The following LINS1 variants were observed in gnomAD, a reference collection of about 807,000 sequenced individuals.
The protein encoded by LINS1 is protein Lines homolog 1.
Under a neutral mutation model 41.6 loss-of-function variants are expected in LINS1, and 27 were observed. The observed-to-expected ratio is 0.65, with a 90% CI of 0.48 to 0.89. The LOEUF is 0.89. LINS1 is among the 40% of genes least tolerant of loss of function. The pLI is 0.00. For missense variants in LINS1, 955 were observed against 884.1 expected (o/e 1.08, Z -1.02); for synonymous variants, 336 against 312.9 (o/e 1.07, Z -0.78).
rs746299653 is a variant in LINS1 at position 100,569,362 on chromosome 15, T to C, written c.2150A>G (p.Gln717Arg). 8 of 1,614,084 alleles carry C rather than the reference T, an allele frequency of 5.0e-6. No individual in the cohort carries two copies. Among genetic ancestry groups the C allele is most frequent in the African/African-American group, 1.3e-5 (1 of 74,928 alleles). The part of the protein sequence containing the change: ...GIFYRIVKCF[Q>R]ELQDAICRLQ... ...ACGGCAGATGGCATCTTGTAGTTCC[T>C]GGAAGCATTTTACTATTCTGTAAAA... Residue 717 changes from glutamine to arginine, a missense_variant, in exon 7 of 7, where the codon CAG (glutamine) becomes CGG (arginine). Coordinates refer to ENST00000314742, the MANE Select transcript of LINS1 (RefSeq NM_001040616.3).
intron 1 of LINS1, among the ~76,000 whole-genome samples, chr15:100,594,459 T>C (rs1401302122): frequency 2.0e-5 from 3 of 152,148 alleles, no homozygotes; most frequent in Non-Finnish European, 4.4e-5. Context: ...TGTGAGTTTC[T>C]GAACAAAACA....
intron 1 of LINS1, among the ~76,000 whole-genome samples, chr15:100,592,859 G>A (rs958219583): frequency 3.3e-5 from 5 of 152,184 alleles, no homozygotes; most frequent in African/African-American, 1.2e-4. Context: ...GTTTTATTGT[G>A]ATCAAGTATA....
chr15:100,572,372 GATAA>G (rs2037879239), intron 5 of LINS1: 2 of 1,180,752 alleles, frequency 1.7e-6, no homozygotes, highest in South Asian at 1.8e-5. Flanking sequence ...GCTAAAAGCA[GATAA>G]ATAAATGAGC....
At chr15:100,572,769 T>C (rs2037903727) in intron 5 of LINS1, 4 of 980,272 alleles carry the variant, frequency 4.1e-6, no homozygotes, top group South Asian at 4.7e-5. Flanking sequence ...ATGGAAGACT[T>C]TGAACTCCTG....
At chr15:100,579,189 A>AT (rs1472960742) in intron 3 of LINS1, among the ~76,000 whole-genome samples, 1 of 145,774 alleles carries the variant, frequency 6.9e-6, no homozygotes, top group Non-Finnish European at 1.5e-5. Context: ...ATATATATAT[A>AT]AAAAAATAAA....
chr15:100,575,369 C>T (rs1364181145), intron 3 of LINS1, among the ~76,000 whole-genome samples: 2 of 152,052 alleles, frequency 1.3e-5, no homozygotes, highest in Admixed American at 6.6e-5. Context: ...GCAGGGGTTG[C>T]AATCCTAGTC....
At chr15:100,590,944 C>T (rs1008768623) in intron 1 of LINS1, among the ~76,000 whole-genome samples, 9 of 152,050 alleles carry the variant, frequency 5.9e-5, no homozygotes, top group Admixed American at 3.3e-4. Context: ...TTTGGGAGGC[C>T]GAGGCGGGCA....
chr15:100,579,771 G>A (rs1444012469), intron 3 of LINS1, among the ~76,000 whole-genome samples: 2 of 152,098 alleles, frequency 1.3e-5, no homozygotes. Flanking sequence ...TTAAACCTGT[G>A]AAAATAGGCT....
chr15:100,580,859 T>C lies in LINS1; in HGVS notation c.-17A>G. On this transcript the variant is annotated 5_prime_UTR_variant, in exon 2 of 7. In the 5' UTR this introduces an upstream ATG that the reference lacks. Coordinates refer to ENST00000314742, the MANE Select transcript of LINS1 (RefSeq NM_001040616.3). ...AACTTTCATTTTGACTTCCAAAATG[T>C]ATCTTATAAGAAGGTCGACAACTCC... 1 of 1,605,686 alleles carries C rather than the reference T, an allele frequency of 6.2e-7. No individual in the cohort carries two copies. Among genetic ancestry groups the C allele is most frequent in the South Asian group, 1.1e-5 (1 of 90,188 alleles).
intron 1 of LINS1, among the ~76,000 whole-genome samples, chr15:100,597,357 A>C (rs1397986057): frequency 6.6e-6 from 1 of 152,064 alleles, no homozygotes; most frequent in Non-Finnish European, 1.5e-5. Context: ...GAGATAATTT[A>C]GAGATAATTC....
At chr15:100,579,393 T>C (rs2038392119) in intron 3 of LINS1, among the ~76,000 whole-genome samples, 1 of 51,780 alleles carries the variant, frequency 1.9e-5, no homozygotes, top group African/African-American at 5.1e-5. Flanking sequence ...TCTTTATACC[T>C]TTAACTTATT....
At chr15:100,583,517 A>G (rs2038665304) in intron 1 of LINS1, among the ~76,000 whole-genome samples, 1 of 152,240 alleles carries the variant, frequency 6.6e-6, no homozygotes, top group African/African-American at 2.4e-5. Context: ...ATTAATACAA[A>G]TGTTGGTAAT....
At chr15:100,580,107 C>A (rs1387151370) in intron 3 of LINS1, among the ~76,000 whole-genome samples, 156 bp downstream of exon 3, 2 of 152,088 alleles carry the variant, frequency 1.3e-5, no homozygotes, top group African/African-American at 4.8e-5. Flanking sequence ...CGTCTTTAAT[C>A]CCAGCACTTT....
At chr15:100,582,842 T>G (rs1053190579) in intron 1 of LINS1, among the ~76,000 whole-genome samples, 5 of 143,496 alleles carry the variant, frequency 3.5e-5, no homozygotes, top group African/African-American at 1.3e-4. Flanking sequence ...CATGGCCCAC[T>G]AGCCTAGTCT....
chr15:100,580,925 A>G lies in LINS1; in HGVS notation c.-83T>C, dbSNP rs928755376. On this transcript the variant is annotated 5_prime_UTR_variant, in exon 2 of 7. Transcript: ENST00000314742. ...AATCTCAGAAGTGCAATGAATCTCT[A>G]AGAAGTTTCTTCAGTGAAACCTAAA... The G allele has an allele frequency of 4.6e-6, 6 of 1,307,326 alleles. No homozygotes were observed. The allele number at this position is 1,307,326 out of a possible 1,614,324, so 81.0% of individuals were successfully genotyped here.
chr15:100,590,559 C>A (rs1025563316), intron 1 of LINS1, among the ~76,000 whole-genome samples: 2 of 152,158 alleles, frequency 1.3e-5, no homozygotes, highest in African/African-American at 4.8e-5. Flanking sequence ...GAAATGTTTC[C>A]CTCATGATAG....
At chr15:100,599,793 C>T (rs2039400100) in intron 1 of LINS1, among the ~76,000 whole-genome samples, 1 of 152,136 alleles carries the variant, frequency 6.6e-6, no homozygotes, top group Non-Finnish European at 1.5e-5. Flanking sequence ...AGGCTGGGTG[C>T]AGTGGCTCAC....
At chr15:100,592,105 T>A (rs930374277) in intron 1 of LINS1, among the ~76,000 whole-genome samples, 1 of 152,200 alleles carries the variant, frequency 6.6e-6, no homozygotes, top group Non-Finnish European at 1.5e-5. Context: ...ATACACCAAG[T>A]AATCAATGGA....
intron 3 of LINS1, among the ~76,000 whole-genome samples, chr15:100,577,941 C>T (rs1049723637): frequency 3.3e-5 from 5 of 152,208 alleles, no homozygotes; most frequent in East Asian, 3.9e-4. Context: ...CCCTATTTAA[C>T]AAATGGTGCT....
Sources: allele counts gnomAD v4.1 joint callset (sites outside exome capture counted in the v4.1 genomes callset), GRCh38; gene constraint gnomAD v4.1.1; transcripts MANE v1.5; gene names NCBI Gene and HGNC (gene_info 2026-07-23, HGNC 2026-07-21).